The following DLG1 variants were observed in gnomAD, a reference collection of about 807,000 sequenced individuals.
The protein encoded by DLG1 is discs large MAGUK scaffold protein 1, also known as disks large homolog 1.
A neutral mutation model predicts 123.4 loss-of-function variants in DLG1; 42 were observed. That is an observed-to-expected ratio of 0.34 (90% CI 0.27 to 0.44). The LOEUF is 0.44. Among genes scored for constraint, DLG1 ranks in the 20% least tolerant of loss-of-function variants. DLG1 has a pLI of 1.00. For missense variants in DLG1, 942 were observed against 1,082.6 expected, an observed-to-expected ratio of 0.87 and a Z score of 1.82; for synonymous variants, 317 against 356.2, an observed-to-expected ratio of 0.89 and a Z score of 1.24.
chr3:197,077,352 G>C (rs1487725010), intron 17 of DLG1, among the ~76,000 whole-genome samples: 1 of 152,082 alleles, frequency 6.6e-6, no homozygotes, highest in Non-Finnish European at 1.5e-5. Flanking sequence ...ACAGAGTCCA[G>C]CAAGAGACTT....
At chr3:197,272,167 G>A (rs2151052368) in intron 4 of DLG1, among the ~76,000 whole-genome samples, 1 of 152,264 alleles carries the variant, frequency 6.6e-6, no homozygotes, top group East Asian at 1.9e-4. Context: ...CAAATTGATT[G>A]TAGTATTCAC....
chr3:197,120,521 C>A (rs1419421449), intron 11 of DLG1, among the ~76,000 whole-genome samples: 1 of 152,140 alleles, frequency 6.6e-6, no homozygotes, highest in Admixed American at 6.5e-5. Context: ...GAGGCTTCAA[C>A]TATGATAAAG....
At chr3:197,253,551 G>T (rs1755442376) in intron 4 of DLG1, among the ~76,000 whole-genome samples, 1 of 152,076 alleles carries the variant, frequency 6.6e-6, no homozygotes, top group African/African-American at 2.4e-5. Flanking sequence ...TCACTCCCCG[G>T]CAATCTCTTG....
At position 197,203,335 on chromosome 3, in the gene DLG1, T is replaced by C. The variant is rs192725679; in HGVS notation, c.319-8746A>G. 3.1e-3 allele frequency among the ~76,000 whole-genome samples: 471 copies of C among 152,288 alleles called. 3 individuals carry two copies. Among genetic ancestry groups the C allele is most frequent in the African/African-American group, 0.011 (448 of 41,550 alleles). ...TTAGAAAACTGTGTCATAGTCTGTG[T>C]CATGAACTTTCAAAAACAGTTCCAA... On this transcript the variant is annotated intron_variant, in intron 4 of 24. Transcript: ENST00000667157.
Position 197,297,055 on chromosome 3 carries a change from T to G in DLG1, c.19+131A>C, listed in dbSNP as rs185814843. On this transcript the variant is annotated intron_variant, in intron 2 of 24. Transcript: ENST00000667157. ...TTCTGAAATGATATGAGGCTTAGAT[T>G]CCCTAAGCAATAAAGCTAGGACCGT... The G allele has an allele frequency of 2.5e-5, 23 of 935,040 alleles. No individual in the cohort carries two copies. The African/African-American group carries it at 3.5e-4, about 14-fold the overall frequency. The allele number at this position is 935,040 out of a possible 1,614,324, so 57.9% of individuals were successfully genotyped here. A position where few individuals can be genotyped will look rare whatever the true frequency, so the allele number is the denominator to read the frequency against.
chr3:197,239,199 T>C (rs560316376), intron 4 of DLG1, among the ~76,000 whole-genome samples: 1 of 152,078 alleles, frequency 6.6e-6, no homozygotes, highest in Non-Finnish European at 1.5e-5. Context: ...ATAGAGCAAG[T>C]AAATGCCAAC....
Position 197,044,710 on chromosome 3 carries a change from C to A in DLG1, c.2595G>T (p.Thr865=), listed in dbSNP as rs148228406. ...EHFTAIVQGD[T]LEDIYNQVKQ... is the part of the protein sequence containing the mutation. The stretch of plus-strand genomic sequence containing the variant: ...TCACTTGGTTGTAAATGTCTTCCAG[C>A]GTATCCCCCTGTACAATAGCTGTAA... The change falls in exon 25 of 25, where the codon ACG becomes ACT. Residue 865 remains threonine, a synonymous_variant. Coordinates refer to ENST00000667157, the MANE Select transcript of DLG1 (RefSeq NM_001366207.1). The A allele has an allele frequency of 1.4e-4, 230 of 1,604,558 alleles. No homozygotes were observed. In the African/African-American group the frequency reaches 2.9e-3, roughly 20 times the overall value.
At chr3:197,249,147 C>T (rs1237695033) in intron 4 of DLG1, among the ~76,000 whole-genome samples, 1 of 151,694 alleles carries the variant, frequency 6.6e-6, no homozygotes, top group Non-Finnish European at 1.5e-5. Flanking sequence ...ATCAACAAAA[C>T]AAAATCAACT....
chr3:197,229,397 G>A (rs1177475123), intron 4 of DLG1, among the ~76,000 whole-genome samples: 2 of 146,252 alleles, frequency 1.4e-5, no homozygotes, highest in South Asian at 2.2e-4. Context: ...GCCACTGCTT[G>A]AGCTATGATT....
intron 4 of DLG1, among the ~76,000 whole-genome samples, chr3:197,278,836 AACT>A (rs1767831042): frequency 6.6e-6 from 1 of 152,176 alleles, no homozygotes; most frequent in African/African-American, 2.4e-5. Context: ...GAGCAATCTT[AACT>A]ACTTTTAGCA....
At chr3:197,157,695 T>C (rs896441720) in intron 5 of DLG1, among the ~76,000 whole-genome samples, 1 of 152,124 alleles carries the variant, frequency 6.6e-6, no homozygotes, top group South Asian at 2.1e-4. Context: ...TAACCCATCC[T>C]AAAAGTCACA....
chr3:197,290,678 C>T lies in DLG1; in HGVS notation c.151+5668G>A, dbSNP rs565545445. The stretch of plus-strand genomic sequence containing the variant: ...TCAATCTCAGCTGGGCGCAGTGGCT[C>T]ACACCTGTAATCCCAGAACTTTGCT... On this transcript the variant is annotated intron_variant, in intron 3 of 24. Transcript: ENST00000667157. 4.6e-5 allele frequency among the ~76,000 whole-genome samples: 7 copies of T among 152,180 alleles called. No individual in the cohort carries two copies. The East Asian group carries it at 1.4e-3, about 29-fold the overall frequency.
chr3:197,192,261 C>T (rs1429917912), intron 5 of DLG1, among the ~76,000 whole-genome samples: 2 of 151,826 alleles, frequency 1.3e-5, no homozygotes, highest in Non-Finnish European at 2.9e-5. Context: ...ACGAGGCTAA[C>T]AAAAAACAAA....
chr3:197,219,930 C>A (rs572816341), intron 4 of DLG1, among the ~76,000 whole-genome samples: 157 of 152,292 alleles, frequency 1.0e-3, no homozygotes, highest in African/African-American at 3.6e-3. Context: ...TCTAAGCCAA[C>A]CAATAAATCT....
At chr3:197,280,885 G>C (rs1465393979) in intron 4 of DLG1, among the ~76,000 whole-genome samples, 1 of 152,162 alleles carries the variant, frequency 6.6e-6, no homozygotes, top group African/African-American at 2.4e-5. Context: ...ATGAAAAACA[G>C]AAAATAATTT....
At chr3:197,164,880 C>A (rs9849289) in intron 5 of DLG1, among the ~76,000 whole-genome samples, 1 of 150,906 alleles carries the variant, frequency 6.6e-6, no homozygotes, top group East Asian at 1.9e-4. Context: ...AGTGAGATCA[C>A]GCCACTGTAC....
intron 17 of DLG1, among the ~76,000 whole-genome samples, chr3:197,078,181 G>A (rs372102199): frequency 6.6e-6 from 1 of 151,606 alleles, no homozygotes; most frequent in East Asian, 1.9e-4. Flanking sequence ...GGGAGCAGTG[G>A]TGTGCGACTG....
intron 4 of DLG1, among the ~76,000 whole-genome samples, chr3:197,205,275 A>C (rs1240434224): frequency 6.6e-6 from 1 of 152,158 alleles, no homozygotes; most frequent in Non-Finnish European, 1.5e-5. Context: ...GCCATGACTG[A>C]ATGAGATAAA....
At chr3:197,298,296 G>C (rs1462139487) in intron 1 of DLG1, 1 of 386,398 alleles carries the variant, frequency 2.6e-6, no homozygotes, top group Non-Finnish European at 4.6e-6. Context: ...GGTACCCGGG[G>C]AGCATCCTAA....
Sources: allele counts gnomAD v4.1 joint callset (sites outside exome capture counted in the v4.1 genomes callset), GRCh38; gene constraint gnomAD v4.1.1; transcripts MANE v1.5; gene names NCBI Gene and HGNC (gene_info 2026-07-23, HGNC 2026-07-21).